Variants in LRIG1 observed in about 807,000 individuals in gnomAD.
LRIG1 encodes the protein leucine-rich repeats and immunoglobulin-like domains protein 1.
Under a neutral mutation model 99.2 loss-of-function variants are expected in LRIG1, and 48 were observed. The ratio of observed to expected loss-of-function variants is 0.48; its 90% CI spans 0.38 to 0.62. The LOEUF (loss-of-function observed/expected upper bound fraction) is 0.62. Ranked by LOEUF, LRIG1 falls within the 20% of genes least tolerant of loss-of-function variation. LRIG1 has a pLI of 0.00. For missense variants in LRIG1, 1,646 were observed against 1,434.4 expected (o/e 1.15, Z -2.38); for synonymous variants, 772 against 596.1 (o/e 1.29, Z -4.30).
intron 11 of LRIG1, among the ~76,000 whole-genome samples, chr3:66,396,474 G>A (rs1215528482): frequency 6.6e-6 from 1 of 152,186 alleles, no homozygotes; most frequent in Non-Finnish European, 1.5e-5. Flanking sequence ...AGTACAACCT[G>A]ACTTGATCTG....
chr3:66,433,416 C>T (rs1304597766), intron 3 of LRIG1, among the ~76,000 whole-genome samples: 4 of 152,222 alleles, frequency 2.6e-5, no homozygotes, highest in Non-Finnish European at 4.4e-5. Flanking sequence ...GGCCCCTCAC[C>T]TCTACTGGCC....
intron 1 of LRIG1, among the ~76,000 whole-genome samples, chr3:66,464,955 C>A (rs1024290231): frequency 3.3e-5 from 5 of 152,174 alleles, no homozygotes; most frequent in South Asian, 2.1e-4. Flanking sequence ...GGACTTAACA[C>A]TGAGATGCCA....
At chr3:66,482,783 A>C (rs998270246) in intron 1 of LRIG1, among the ~76,000 whole-genome samples, 11 of 152,252 alleles carry the variant, frequency 7.2e-5, no homozygotes, top group Admixed American at 5.2e-4. Flanking sequence ...TTTATTATAC[A>C]ATAAATATTA....
intron 8 of LRIG1, chr3:66,406,459 C>T (rs1447785779): frequency 2.6e-5 from 25 of 976,046 alleles, no homozygotes; most frequent in Non-Finnish European, 2.7e-5. Context: ...TGGCTCCGGC[C>T]TCTTTCACAC....
At chr3:66,433,988 T>C (rs1703260418) in intron 3 of LRIG1, among the ~76,000 whole-genome samples, 2 of 152,182 alleles carry the variant, frequency 1.3e-5, no homozygotes. Flanking sequence ...CTACAGATCT[T>C]TTAAGAGAAA....
At chr3:66,499,019 C>T (rs1250761949) in intron 1 of LRIG1, among the ~76,000 whole-genome samples, 3 of 152,318 alleles carry the variant, frequency 2.0e-5, no homozygotes, top group East Asian at 3.9e-4. Flanking sequence ...ACTGCTGTGC[C>T]TTTCCTATGT....
Position 66,383,305 on chromosome 3 carries a change from C to T in LRIG1, c.2168G>A (p.Arg723His), listed in dbSNP as rs541565900. ...GCGGTCCCCCTTGAACCAGGTGATG[C>T]GGGGCGGAGGGTTCCCCGTGGCTTT... is the stretch of plus-strand genomic sequence containing the variant. ...QCKATGNPPP[R>H]ITWFKGDRPL... Residue 723 changes from arginine to histidine, a missense_variant, in exon 15 of 19, where the codon CGC (arginine) becomes CAC (histidine). By Grantham distance (29) the Arg-to-His change is conservative. Coordinates refer to ENST00000273261, the MANE Select transcript of LRIG1 (RefSeq NM_015541.3). 5.3e-5 allele frequency: 85 copies of T among 1,609,034 alleles called. No homozygotes were observed. The highest frequency in any genetic ancestry group is 3.4e-4 in the South Asian group (31 of 90,904).
At chr3:66,407,916 G>C (rs1028148969) in intron 7 of LRIG1, among the ~76,000 whole-genome samples, 1 of 152,150 alleles carries the variant, frequency 6.6e-6, no homozygotes, top group African/African-American at 2.4e-5. Flanking sequence ...GGGAGCCCCA[G>C]TCACACTCCC....
At position 66,414,919 on chromosome 3, in the gene LRIG1, C is replaced by A; in HGVS notation, c.647+1G>T. ...ATTAAAGTGTAGGTTTCTGTACTCA[C>A]AGTTGTGTCAGCCTGGGTAGCTTGA... On this transcript the variant is annotated splice_donor_variant, in intron 5 of 18. Transcript: ENST00000273261. LOFTEE classifies it high-confidence loss of function. The A allele has an allele frequency of 6.3e-7, 1 of 1,594,620 alleles. No individual in the cohort carries two copies. Among genetic ancestry groups the A allele is most frequent in the Non-Finnish European group, 8.5e-7 (1 of 1,172,510 alleles).
rs758016852 is a variant in LRIG1, at chr3:66,394,210, G to A, written c.1305-7C>T. On this transcript the variant is annotated splice_polypyrimidine_tract_variant and splice_region_variant and intron_variant, in intron 11 of 18. Coordinates refer to ENST00000273261, the MANE Select transcript of LRIG1 (RefSeq NM_015541.3). Reference sequence around the variant, plus strand: ...GCTGTCGCTGCTGATATGGCTGAAAGAAACACAACAGTGGATGCTTCAGGT... The same window carrying A: ...GCTGTCGCTGCTGATATGGCTGAAAAAAACACAACAGTGGATGCTTCAGGT... The A allele has an allele frequency of 3.2e-6, 5 of 1,577,086 alleles. No individual in the cohort carries two copies. The highest frequency in any genetic ancestry group is 4.3e-6 in the Non-Finnish European group (5 of 1,163,384).
In LRIG1 at chr3:66,479,264, T is replaced by G. The variant is rs1051621223; in HGVS notation, c.219-16755A>C. Among the ~76,000 whole-genome samples the G allele has an allele frequency of 4.6e-5, 7 of 152,354 alleles. No individual in the cohort carries two copies. In the East Asian group the frequency reaches 5.8e-4, roughly 13 times the overall value. ...GGTCAGGCTCTTCCATAAATGCATA[T>G]GCACAGCCAATTTCCTTAGGTTACA... On this transcript the variant is annotated intron_variant, in intron 1 of 18. Coordinates refer to ENST00000273261, the MANE Select transcript of LRIG1 (RefSeq NM_015541.3).
chr3:66,470,035 G>A (rs1575716449), intron 1 of LRIG1, among the ~76,000 whole-genome samples: 1 of 152,316 alleles, frequency 6.6e-6, no homozygotes, highest in Non-Finnish European at 1.5e-5. Context: ...CTGGGCTGCA[G>A]GGAAACTTGC....
intron 1 of LRIG1, among the ~76,000 whole-genome samples, chr3:66,480,062 T>G (rs1043289777): frequency 3.3e-5 from 5 of 152,194 alleles, no homozygotes; most frequent in Non-Finnish European, 7.3e-5. Context: ...ATAAACAAAG[T>G]GTCCACCAAC....
intron 9 of LRIG1, chr3:66,401,558 C>T (rs1422505061): frequency 2.4e-6 from 3 of 1,252,430 alleles, no homozygotes; most frequent in Non-Finnish European, 3.2e-6. Context: ...CTCAAATTCT[C>T]AATTATGCAG....
At chr3:66,470,187 C>A (rs911823104) in intron 1 of LRIG1, among the ~76,000 whole-genome samples, 1 of 152,168 alleles carries the variant, frequency 6.6e-6, no homozygotes, top group Admixed American at 6.5e-5. Context: ...ATTCCAATGA[C>A]CACAGACCTC....
At chr3:66,444,163 C>T (rs988458835) in intron 3 of LRIG1, among the ~76,000 whole-genome samples, 8 of 152,190 alleles carry the variant, frequency 5.3e-5, no homozygotes, top group African/African-American at 1.2e-4. Flanking sequence ...CAGCACCCAC[C>T]GGCTGAGAGA....
rs751965716 is a variant in LRIG1, at chr3:66,382,304, G to A, written c.2586C>T (p.Gly862=). 3.1e-6 allele frequency: 5 copies of A among 1,614,076 alleles called. No homozygotes were observed. In the South Asian group the frequency reaches 4.4e-5, roughly 14 times the overall value. ...RQETVVRTEG[G]PQANGHIESN... ...TCTCAATGTGCCCATTGGCCTGAGG[G>A]CCACCCTCGGTCCTGACCACGGTTT... The change falls in exon 16 of 19, where the codon GGC becomes GGT. Residue 862 remains glycine (G), a synonymous_variant. Transcript: ENST00000273261.
chr3:66,417,223 C>A lies in LRIG1; in HGVS notation c.409G>T (p.Ala137Ser), dbSNP rs771920382. Residue 137 changes from alanine (A) to serine (S), a missense_variant, in exon 4 of 19, where the codon GCC becomes TCC. By Grantham distance (99) the Ala-to-Ser change is moderately conservative. Coordinates refer to ENST00000273261, the MANE Select transcript of LRIG1 (RefSeq NM_015541.3). ...IRSVEGSQLK[A>S]YLSLEVLDLS... ...TCTAACACTTCTAAGGAAAGGTAGGCCTTCAGCTGGCTCCCCTCCACGCTG... is the reference window on the plus strand; with the variant it reads ...TCTAACACTTCTAAGGAAAGGTAGGACTTCAGCTGGCTCCCCTCCACGCTG... 2 of 1,614,038 alleles carry A rather than the reference C, an allele frequency of 1.2e-6. No individual in the cohort carries two copies. Among genetic ancestry groups the A allele is most frequent in the East Asian group, 2.2e-5 (1 of 44,888 alleles).
chr3:66,386,410 C>T lies in LRIG1; in HGVS notation c.1469-109G>A, dbSNP rs1701377899. ...CACAGACACCAAGCAGGAACCAGAG[C>T]TTGAGGTCCCTGTGCATCCTCAGCC... On this transcript the variant is annotated intron_variant, in intron 12 of 18. Coordinates refer to ENST00000273261, the MANE Select transcript of LRIG1 (RefSeq NM_015541.3). The T allele has an allele frequency of 5.5e-6, 5 of 903,878 alleles. No individual in the cohort carries two copies. In the East Asian group the frequency reaches 1.2e-4, roughly 22 times the overall value. The allele number at this position is 903,878 out of a possible 1,614,324, so 56.0% of individuals were successfully genotyped here. A position where few individuals can be genotyped will look rare whatever the true frequency, so the allele number is the denominator to read the frequency against.
Sources: gnomAD v4.1 joint callset for allele counts (sites outside exome capture counted in the v4.1 genomes callset) on GRCh38, gnomAD v4.1.1 for gene constraint, MANE v1.5 for transcripts, NCBI Gene and HGNC (gene_info 2026-07-23, HGNC 2026-07-21) for gene names.